Variants in GALNS observed in about 807,000 individuals in gnomAD.
GALNS encodes the protein N-acetylgalactosamine-6-sulfatase.
A neutral mutation model predicts 65.9 loss-of-function variants in GALNS; 65 were observed. The observed-to-expected ratio is 0.99, with a 90% CI of 0.81 to 1.21. The LOEUF (loss-of-function observed/expected upper bound fraction) is 1.21. Ranked by LOEUF, GALNS falls within the 50% of genes most tolerant of loss-of-function variation. GALNS has a pLI of 0.00. For synonymous variants in GALNS, 346 were observed against 288.9 expected (o/e 1.20, Z -2.00); for missense variants, 776 against 700.7 (o/e 1.11, Z -1.21).
intron 12 of GALNS, among the ~76,000 whole-genome samples, chr16:88,818,326 G>A (rs927239184): frequency 6.6e-6 from 1 of 152,220 alleles, no homozygotes; most frequent in Admixed American, 6.5e-5. Context: ...TCTGCCCTCA[G>A]ACTCACGGGC....
intron 13 of GALNS, chr16:88,815,286 A>G: frequency 1.0e-6 from 1 of 985,464 alleles, no homozygotes; most frequent in South Asian, 4.7e-5. Context: ...TCCGAGGGCC[A>G]GCAGTGTTAG....
At chr16:88,852,081 G>C (rs932093188) in intron 1 of GALNS, among the ~76,000 whole-genome samples, 6 of 152,228 alleles carry the variant, frequency 3.9e-5, no homozygotes, top group Non-Finnish European at 8.8e-5. Flanking sequence ...CCCCCGTGTA[G>C]CCTAACTGGG....
intron 9 of GALNS, among the ~76,000 whole-genome samples, chr16:88,827,698 A>G (rs1455156296): frequency 1.3e-5 from 2 of 152,192 alleles, no homozygotes; most frequent in African/African-American, 2.4e-5. Flanking sequence ...TGCCCGCCTC[A>G]GCCTCCCAAA....
At chr16:88,817,653 C>G (rs1909768909) in intron 13 of GALNS, among the ~76,000 whole-genome samples, 1 of 152,192 alleles carries the variant, frequency 6.6e-6, no homozygotes, top group South Asian at 2.1e-4. Flanking sequence ...GAGTCGAGGA[C>G]CAGGGGACCC....
chr16:88,855,877 C>T (rs115712210), intron 1 of GALNS: 102 of 505,692 alleles, frequency 2.0e-4, no homozygotes, highest in African/African-American at 1.8e-3. Flanking sequence ...GCGACACCGA[C>T]GGCCCAAAAC....
At position 88,839,306 on chromosome 16, in the gene GALNS, C is replaced by T. The variant is rs1028345316; in HGVS notation, c.423-1541G>A. Among the ~76,000 whole-genome samples, 13 of 152,036 alleles carry T rather than the reference C, an allele frequency of 8.6e-5. No homozygotes were observed. The East Asian group carries it at 1.4e-3, about 16-fold the overall frequency. Reference sequence around the variant, plus strand: ...TCGTGCGCCAACGTCCGCAGGTCACCGCCCGGCCACAGGGGACACTCGTGC... The same window carrying T: ...TCGTGCGCCAACGTCCGCAGGTCACTGCCCGGCCACAGGGGACACTCGTGC... On this transcript the variant is annotated intron_variant, in intron 4 of 13. Transcript: ENST00000268695.
At chr16:88,814,606 G>A in intron 13 of GALNS, 81 bp from the exon 14 acceptor site, 2 of 1,544,382 alleles carry the variant, frequency 1.3e-6, no homozygotes, top group Non-Finnish European at 1.7e-6. Flanking sequence ...TTTTGTTGTT[G>A]CTGTTCTGAG....
rs73251084 is a variant in GALNS at position 88,818,076 on chromosome 16, G to T, written c.1413C>A (p.Val471=). 1.9e-6 allele frequency: 3 copies of T among 1,574,450 alleles called. No homozygotes were observed. The highest frequency in any genetic ancestry group is 3.7e-5 in the Admixed American group (2 of 54,590). ...YQEALSRITS[V]VQQHQEALVP... is the part of the protein sequence containing the mutation. ...CCAAGGCCTCCTGGTGCTGCTGGAC[G>T]ACCGAGGTGATCCTGCTGAGGGCCT... Residue 471 remains valine (V), a synonymous_variant, in exon 13 of 14, where the codon GTC becomes GTA. Transcript: ENST00000268695.
At chr16:88,854,327 G>A (rs1967659208) in intron 1 of GALNS, among the ~76,000 whole-genome samples, 1 of 152,228 alleles carries the variant, frequency 6.6e-6, no homozygotes, top group South Asian at 2.1e-4. Flanking sequence ...CGGACTCCAA[G>A]GAGAGAAGAC....
intron 8 of GALNS, among the ~76,000 whole-genome samples, chr16:88,834,601 C>A (rs1295419362): frequency 1.2e-5 from 1 of 84,860 alleles, no homozygotes; most frequent in Non-Finnish European, 2.7e-5. Context: ...GGCTGTAGGG[C>A]CCCCCCCGTG....
intron 13 of GALNS, 111 bp from the exon 14 acceptor site, chr16:88,814,636 C>G: frequency 6.6e-7 from 1 of 1,521,206 alleles, no homozygotes; most frequent in Admixed American, 2.0e-5. Context: ...CTCTGTCACC[C>G]AGGCTGGAGT....
At chr16:88,823,372 G>A (rs1238202140) in intron 11 of GALNS, among the ~76,000 whole-genome samples, 3 of 152,256 alleles carry the variant, frequency 2.0e-5, no homozygotes, top group South Asian at 2.1e-4. Context: ...TCTTTCTGCT[G>A]CCCCTGGGCC....
intron 9 of GALNS, among the ~76,000 whole-genome samples, chr16:88,830,025 G>T (rs1032954203): frequency 1.3e-4 from 20 of 152,142 alleles, no homozygotes; most frequent in African/African-American, 4.8e-4. Flanking sequence ...GAGGTCAGGA[G>T]ATTGAGACCA....
intron 11 of GALNS, among the ~76,000 whole-genome samples, chr16:88,823,478 T>C (rs1055969129): frequency 1.3e-5 from 2 of 151,998 alleles, no homozygotes; most frequent in Admixed American, 6.5e-5. Flanking sequence ...AGGACGGCCC[T>C]CGCAGGCGGC....
chr16:88,846,509 C>CTTTT (rs59223444), intron 1 of GALNS, among the ~76,000 whole-genome samples: 49 of 88,696 alleles, frequency 5.5e-4, no homozygotes, highest in East Asian at 7.3e-4. Context: ...GCGTTTCTGG[C>CTTTT]TTTTTTTTTT....
chr16:88,839,990 G>A (rs905923389), intron 4 of GALNS, among the ~76,000 whole-genome samples: 8 of 152,308 alleles, frequency 5.3e-5, no homozygotes, highest in East Asian at 1.9e-4. Flanking sequence ...AGTGGCCCTC[G>A]GGGGCTGACT....
chr16:88,814,427 T>G lies in GALNS; in HGVS notation c.*12A>C. The G allele has an allele frequency of 1.3e-6, 2 of 1,555,010 alleles. No homozygotes were observed. Among genetic ancestry groups the G allele is most frequent in the South Asian group, 1.2e-5 (1 of 84,300 alleles). ...CCGGAGATTCTAGGCCTGGCCTGAG[T>G]CTGCGCAGGTGCTAGTGGGACCAGA... On this transcript the variant is annotated 3_prime_UTR_variant, in exon 14 of 14. Transcript: ENST00000268695.
chr16:88,840,781 G>A lies in GALNS; in HGVS notation c.422+211C>T, dbSNP rs181616569. On this transcript the variant is annotated intron_variant, in intron 4 of 13. Coordinates refer to ENST00000268695, the MANE Select transcript of GALNS (RefSeq NM_000512.5). ...CTGATGCCGCAGGATACTCGCGGCCGTGGGACCAGCCTGGTGACCTGAGAT... is the reference window on the plus strand; with the variant it reads ...CTGATGCCGCAGGATACTCGCGGCCATGGGACCAGCCTGGTGACCTGAGAT... 3.8e-5 allele frequency: 23 copies of A among 603,090 alleles called. No individual in the cohort carries two copies. The East Asian group carries it at 4.6e-4, about 12-fold the overall frequency. 37.4% of individuals were successfully genotyped at this position (603,090 alleles called of 1,614,324 possible).
At chr16:88,831,848 C>T (rs1398011549) in intron 9 of GALNS, 150 bp downstream of exon 9, 8 of 687,212 alleles carry the variant, frequency 1.2e-5, no homozygotes, top group South Asian at 4.8e-5. Flanking sequence ...GCATGGGGTG[C>T]GTGGAGGCTG....
Sources: gnomAD v4.1 joint callset for allele counts (sites outside exome capture counted in the v4.1 genomes callset) on GRCh38, gnomAD v4.1.1 for gene constraint, MANE v1.5 for transcripts, NCBI Gene and HGNC (gene_info 2026-07-23, HGNC 2026-07-21) for gene names.